The following VPS13C variants were observed in gnomAD, a reference collection of about 807,000 sequenced individuals.
The protein encoded by VPS13C is vacuolar protein sorting 13 homolog C.
In VPS13C, 358 loss-of-function variants were observed where a neutral mutation model predicts 456.8. That is an observed-to-expected ratio of 0.78 (90% CI 0.72 to 0.86). The LOEUF is 0.86. VPS13C is among the 40% of genes least tolerant of loss of function. The probability of loss-of-function intolerance (pLI) is 0.00; values close to 1 mark genes in which losing one functional copy is unlikely to be tolerated. For missense variants in VPS13C, 4,818 were observed against 4,385.4 expected (o/e 1.10, Z -2.79); for synonymous variants, 1,578 against 1,486.7 (o/e 1.06, Z -1.41).
intron 82 of VPS13C, among the ~76,000 whole-genome samples, chr15:61,862,374 G>A (rs1261536735): frequency 3.3e-5 from 5 of 152,064 alleles, no homozygotes; most frequent in Admixed American, 3.3e-4. Context: ...AATGTATACA[G>A]TAATACTCCC....
At chr15:62,032,070 T>C (rs1567130782) in intron 5 of VPS13C, among the ~76,000 whole-genome samples, 1 of 151,858 alleles carries the variant, frequency 6.6e-6, no homozygotes, top group Non-Finnish European at 1.5e-5. Context: ...AAATGATAAA[T>C]GTGTAATTAT....
At chr15:61,960,726 A>AT (rs1567048538) in intron 35 of VPS13C, among the ~76,000 whole-genome samples, 1 of 152,088 alleles carries the variant, frequency 6.6e-6, no homozygotes, top group Admixed American at 6.6e-5. Context: ...TCACAGTACT[A>AT]TTTTTTTCCA....
chr15:61,858,372 A>C lies in VPS13C; in HGVS notation c.10953-1963T>G, dbSNP rs919626944. Among the ~76,000 whole-genome samples the C allele has an allele frequency of 1.5e-4, 23 of 150,266 alleles. No homozygotes were observed. Among genetic ancestry groups the C allele is most frequent in the African/African-American group, 2.9e-4 (12 of 40,754 alleles). On this transcript the variant is annotated intron_variant, in intron 82 of 84. Transcript: ENST00000644861. This position sits in a 1 kb window ranked among gnomAD's most constrained non-coding sequence, Gnocchi z 4.4. The stretch of plus-strand genomic sequence containing the variant: ...TATCTATCTATCTATCTGTCTATCT[A>C]TCTCCCTCCCTCCCTATCATGTATT...
Position 62,012,176 on chromosome 15 carries a change from A to G in VPS13C, c.826-12T>C. 1 of 1,514,138 alleles carries G rather than the reference A, an allele frequency of 6.6e-7. No homozygotes were observed. Among genetic ancestry groups the G allele is most frequent in the Non-Finnish European group, 9.1e-7 (1 of 1,094,316 alleles). The allele number at this position is 1,514,138 out of a possible 1,614,324, so 93.8% of individuals were successfully genotyped here. ...TTTTTCAGCTGATCCTAAACAAAAA[A>G]TTTGAATGAGAATGAAAAAGAAAAT... On this transcript the variant is annotated splice_polypyrimidine_tract_variant and intron_variant, in intron 11 of 84. Coordinates refer to ENST00000644861, the MANE Select transcript of VPS13C (RefSeq NM_020821.3).
Position 61,917,436 on chromosome 15 carries a change from G to C in VPS13C, c.7960C>G (p.His2654Asp). 1 of 1,614,022 alleles carries C rather than the reference G, an allele frequency of 6.2e-7. No homozygotes were observed. The highest frequency in any genetic ancestry group is 8.5e-7 in the Non-Finnish European group (1 of 1,179,912). ...LPDELSYICT[H>D]GEDWDVAYII... ...TAAGCTACATCCCAGTCTTCCCCAT[G>C]TGTACATATGTAGCTCAATTCATCA... Residue 2654 changes from histidine to aspartate, a missense_variant, in exon 60 of 85, where the codon CAT (histidine) becomes GAT (aspartate). His to Asp is a moderately conservative substitution (Grantham distance 81). Coordinates refer to ENST00000644861, the MANE Select transcript of VPS13C (RefSeq NM_020821.3).
In VPS13C at chr15:61,974,356, C is replaced by T; in HGVS notation, c.2470G>A (p.Asp824Asn). 1 of 1,612,738 alleles carries T rather than the reference C, an allele frequency of 6.2e-7. No individual in the cohort carries two copies. Among genetic ancestry groups the T allele is most frequent in the Non-Finnish European group, 8.5e-7 (1 of 1,179,062 alleles). ...HVRISDQKMK[D>N]VLYLMNSIPL... ...ATACTGTTCATCAAATATAGCACAT[C>T]TTTCATCTTCTGGTCAGAAATTCTC... The change falls in exon 25 of 85, where the codon GAT becomes AAT. Residue 824 changes from aspartate to asparagine, a missense_variant. Asp to Asn is a conservative substitution (Grantham distance 23). Coordinates refer to ENST00000644861, the MANE Select transcript of VPS13C (RefSeq NM_020821.3).
At chr15:62,058,977 G>A (rs1432729065) in intron 1 of VPS13C, among the ~76,000 whole-genome samples, 1 of 150,650 alleles carries the variant, frequency 6.6e-6, no homozygotes, top group Non-Finnish European at 1.5e-5. Flanking sequence ...CCGTAATTCA[G>A]GGTATAAACA....
At chr15:61,901,769 C>A (rs896589121) in intron 66 of VPS13C, among the ~76,000 whole-genome samples, 121 of 152,016 alleles carry the variant, frequency 8.0e-4, no homozygotes, top group Non-Finnish European at 1.5e-3. Context: ...TGGGTATATA[C>A]CCAAAGGACT....
At chr15:61,997,783 T>TA (rs1313186049) in intron 16 of VPS13C, among the ~76,000 whole-genome samples, 1 of 152,158 alleles carries the variant, frequency 6.6e-6, no homozygotes, top group African/African-American at 2.4e-5. Flanking sequence ...GTAAAGCTAC[T>TA]ATCACCACTC....
Position 61,858,317 on chromosome 15 carries a change from A to ACCATCTATCTAT in VPS13C, c.10953-1909_10953-1908insATAGATAGATGG, listed in dbSNP as rs1298744718. ...ACTCGAGATTTTTATCCAAACTCCA[A>ACCATCTATCTAT]CTATCTATCTATCTATCTATCTATC... On this transcript the variant is annotated intron_variant, in intron 82 of 84. Coordinates refer to ENST00000644861, the MANE Select transcript of VPS13C (RefSeq NM_020821.3). This position sits in a 1 kb window ranked among gnomAD's most constrained non-coding sequence, Gnocchi z 4.4. 8.8e-5 allele frequency among the ~76,000 whole-genome samples: 13 copies of ACCATCTATCTAT among 147,656 alleles called. No individual in the cohort carries two copies. Among genetic ancestry groups the ACCATCTATCTAT allele is most frequent in the African/African-American group, 2.8e-4 (11 of 39,846 alleles).
chr15:61,921,985 T>C lies in VPS13C; in HGVS notation c.7024A>G (p.Arg2342Gly), dbSNP rs1167450577. Residue 2342 changes from arginine to glycine, a missense_variant, in exon 55 of 85, where the codon AGA becomes GGA. By Grantham distance (125) the Arg-to-Gly change is moderately radical. Coordinates refer to ENST00000644861, the MANE Select transcript of VPS13C (RefSeq NM_020821.3). ...IHAVWEPLIE[R>G]VEGKRQWNLR... ...TTCCATTGTCTCTTCCCCTCCACTC[T>C]CTCAATCAGTGGCTCCCAGACAGCA... is the stretch of plus-strand genomic sequence containing the variant. The C allele has an allele frequency of 6.2e-7, 1 of 1,613,528 alleles. No individual in the cohort carries two copies. The highest frequency in any genetic ancestry group is 8.5e-7 in the Non-Finnish European group (1 of 1,179,666).
At chr15:61,886,245 T>C (rs185473658) in intron 67 of VPS13C, among the ~76,000 whole-genome samples, 95 of 152,286 alleles carry the variant, frequency 6.2e-4, no homozygotes, top group Admixed American at 3.9e-3. Context: ...TGATGACATA[T>C]TTTGCCTTAA....
intron 71 of VPS13C, 57 bp from the exon 72 acceptor site, chr15:61,881,011 T>C (rs1284662255): frequency 2.8e-6 from 4 of 1,409,504 alleles, no homozygotes; most frequent in Non-Finnish European, 3.9e-6. Context: ...TAATTTTCAA[T>C]GTTAAAACTT....
intron 81 of VPS13C, chr15:61,865,453 A>G: frequency 2.0e-6 from 2 of 984,684 alleles, no homozygotes; most frequent in Non-Finnish European, 2.4e-6. Flanking sequence ...AAAGCAAGAA[A>G]TGCTGTTTTA....
Position 61,858,317 on chromosome 15 carries a change from ACTATCTATCTATCTATCTATCTATCTAT to A in VPS13C, c.10953-1936_10953-1909del, listed in dbSNP as rs55704364. Among the ~76,000 whole-genome samples the A allele has an allele frequency of 6.8e-6, 1 of 147,544 alleles. No homozygotes were observed. Among genetic ancestry groups the A allele is most frequent in the Non-Finnish European group, 1.5e-5 (1 of 67,010 alleles). ...ACTCGAGATTTTTATCCAAACTCCA[ACTATCTATCTATCTATCTATCTATCTAT>A]CTATCTATCTATCTATCTGTCTATC... is the stretch of plus-strand genomic sequence containing the variant. On this transcript the variant is annotated intron_variant, in intron 82 of 84. Coordinates refer to ENST00000644861, the MANE Select transcript of VPS13C (RefSeq NM_020821.3). This position sits in a 1 kb window ranked among gnomAD's most constrained non-coding sequence, Gnocchi z 4.4.
rs141350218 is a variant in VPS13C at position 61,965,983 on chromosome 15, T to C, written c.3051+100A>G. Reference sequence around the variant, plus strand: ...TATAACTCTTATTGGTCCTTGATTATGTCATCAAATTACCTAGTCAATACT... The same window carrying C: ...TATAACTCTTATTGGTCCTTGATTACGTCATCAAATTACCTAGTCAATACT... On this transcript the variant is annotated intron_variant, in intron 30 of 84. Transcript: ENST00000644861. 5.3e-4 allele frequency: 396 copies of C among 744,510 alleles called. 3 individuals are homozygous for C. The highest frequency in any genetic ancestry group is 3.2e-3 in the Middle Eastern group (8 of 2,476). 46.1% of individuals were successfully genotyped at this position (744,510 alleles called of 1,614,324 possible).
At position 61,922,605 on chromosome 15, in the gene VPS13C, G is replaced by GT; in HGVS notation, c.6766dup (p.Thr2256AsnfsTer13). 1 of 1,613,876 alleles carries GT rather than the reference G, an allele frequency of 6.2e-7. No homozygotes were observed. Among genetic ancestry groups the GT allele is most frequent in the East Asian group, 2.2e-5 (1 of 44,864 alleles). On this transcript the variant is annotated frameshift_variant, in exon 54 of 85. Transcript: ENST00000644861. LOFTEE classifies it high-confidence loss of function. ...GAAGCTTTCCGTTATTTCTGTTGCCGTGTCAACACCAAGAAACCAAGTGTT... is the reference window on the plus strand; with the variant it reads ...GAAGCTTTCCGTTATTTCTGTTGCCGTTGTCAACACCAAGAAACCAAGTGTT...
intron 67 of VPS13C, among the ~76,000 whole-genome samples, chr15:61,888,421 T>C (rs905132764): frequency 6.6e-6 from 1 of 152,170 alleles, no homozygotes; most frequent in African/African-American, 2.4e-5. Context: ...TTATTTGTCA[T>C]TGCGAAAATG....
Position 62,023,801 on chromosome 15 carries a change from T to C in VPS13C, c.493A>G (p.Lys165Glu), listed in dbSNP as rs994079504. ...KHKKHFKKPF[K>E]GLDRSKDKPK... ...CTACCTTTTGAACGATCAAGACCTT[T>C]AAAAGGTTTCTTAAAATGTTTTTTG... The change falls in exon 7 of 85, where the codon AAA (lysine) becomes GAA (glutamate). Residue 165 changes from lysine to glutamate, a missense_variant. Physicochemically the swap from Lys to Glu is moderately conservative, Grantham distance 56. Around this residue, in one of 3 missense-constraint regions of VPS13C, gnomAD observed 4,552 missense variants for 4,130.6 expected, o/e 1.10. Coordinates refer to ENST00000644861, the MANE Select transcript of VPS13C (RefSeq NM_020821.3). The C allele has an allele frequency of 6.2e-7, 1 of 1,610,658 alleles. No homozygotes were observed. Among genetic ancestry groups the C allele is most frequent in the African/African-American group, 1.3e-5 (1 of 74,752 alleles).
Sources: allele counts gnomAD v4.1 joint callset (sites outside exome capture counted in the v4.1 genomes callset), GRCh38; gene constraint gnomAD v4.1.1; regional missense constraint gnomAD v4.1.1; non-coding constraint Gnocchi (gnomAD v3.1); transcripts MANE v1.5; gene names NCBI Gene and HGNC (gene_info 2026-07-23, HGNC 2026-07-21).